Variants in GPR176 observed in about 807,000 individuals in gnomAD.
GPR176 encodes the protein G protein-coupled receptor 176, also known as G-protein coupled receptor 176.
A neutral mutation model predicts 35.4 loss-of-function variants in GPR176; 26 were observed. That is an observed-to-expected ratio of 0.74 (90% CI 0.54 to 1.02). The LOEUF (loss-of-function observed/expected upper bound fraction) is 1.02. Among genes scored for constraint, GPR176 ranks in the 50% least tolerant of loss-of-function variants. The probability of loss-of-function intolerance (pLI) is 0.00; values close to 1 mark genes in which losing one functional copy is unlikely to be tolerated. For missense variants in GPR176, 597 were observed against 665.3 expected, an observed-to-expected ratio of 0.90 and a Z score of 1.13; for synonymous variants, 278 against 271.3, an observed-to-expected ratio of 1.02 and a Z score of -0.24.
chr15:39,834,334 C>G (rs969352832), intron 1 of GPR176, among the ~76,000 whole-genome samples: 6 of 152,108 alleles, frequency 3.9e-5, no homozygotes, highest in Admixed American at 3.9e-4. Flanking sequence ...AGAAGCCAAT[C>G]AATTATTTTC....
chr15:39,809,106 T>C (rs1433363270), intron 1 of GPR176, among the ~76,000 whole-genome samples: 1 of 152,218 alleles, frequency 6.6e-6, no homozygotes, highest in Non-Finnish European at 1.5e-5. Flanking sequence ...GTTGTTTTCA[T>C]GCTGTTATTT....
intron 1 of GPR176, among the ~76,000 whole-genome samples, chr15:39,916,428 T>C (rs2140882470): frequency 6.6e-6 from 1 of 152,336 alleles, no homozygotes; most frequent in East Asian, 1.9e-4. Flanking sequence ...AAGCCTTGTG[T>C]TCATTTTCAA....
chr15:39,821,613 T>C (rs1358796446), intron 1 of GPR176, among the ~76,000 whole-genome samples: 1 of 152,172 alleles, frequency 6.6e-6, no homozygotes, highest in Non-Finnish European at 1.5e-5. Flanking sequence ...ACTCTTTAAA[T>C]TATTTTTCCA....
At chr15:39,813,693 G>A (rs890004197) in intron 1 of GPR176, 1 of 152,030 alleles carries the variant, frequency 6.6e-6, no homozygotes, top group Non-Finnish European at 1.5e-5. Context: ...TTAGGACTAC[G>A]GTTTGATGTC....
intron 1 of GPR176, among the ~76,000 whole-genome samples, chr15:39,879,425 CA>C (rs2032384168): frequency 6.6e-6 from 1 of 152,186 alleles, no homozygotes; most frequent in South Asian, 2.1e-4. Context: ...AAACCTAAAG[CA>C]ACTTCATCCC....
At chr15:39,914,376 C>T (rs1035926289) in intron 1 of GPR176, among the ~76,000 whole-genome samples, 16 of 145,210 alleles carry the variant, frequency 1.1e-4, no homozygotes, top group African/African-American at 1.8e-4. Flanking sequence ...TACAGTGGCA[C>T]GATCTCTGCT....
chr15:39,858,392 G>A (rs1283316938), intron 1 of GPR176, among the ~76,000 whole-genome samples: 1 of 152,048 alleles, frequency 6.6e-6, no homozygotes, highest in Admixed American at 6.6e-5. Flanking sequence ...TTGCAACTCA[G>A]AATGCACTGA....
chr15:39,842,694 C>T (rs1371320301), intron 1 of GPR176, among the ~76,000 whole-genome samples: 1 of 152,108 alleles, frequency 6.6e-6, no homozygotes, highest in Non-Finnish European at 1.5e-5. Flanking sequence ...ACTGAATCTG[C>T]CTCTAAGATC....
At chr15:39,853,869 A>C (rs1439653999) in intron 1 of GPR176, among the ~76,000 whole-genome samples, 1 of 152,198 alleles carries the variant, frequency 6.6e-6, no homozygotes, top group Non-Finnish European at 1.5e-5. Context: ...CTGTTCAATA[A>C]GGGTATATAA....
chr15:39,819,314 T>G lies in GPR176; in HGVS notation c.173-12056A>C, dbSNP rs181000060. 2.0e-5 allele frequency among the ~76,000 whole-genome samples: 3 copies of G among 152,282 alleles called. No individual in the cohort carries two copies. The East Asian group carries it at 5.8e-4, about 29-fold the overall frequency. ...GTCCATATCTTCTGCACCATTCACA[T>G]TGCACTTAGGCTTCATGGGTTATTT... On this transcript the variant is annotated intron_variant, in intron 1 of 2. Transcript: ENST00000561100.
intron 1 of GPR176, among the ~76,000 whole-genome samples, chr15:39,862,692 C>A (rs747654928): frequency 5.3e-4 from 80 of 152,182 alleles, no homozygotes; most frequent in South Asian, 2.1e-3. Context: ...TGTGGTGATG[C>A]TGGTGTGAAC....
At chr15:39,802,286 A>G in intron 2 of GPR176, 32 bp from the exon 3 acceptor site, 1 of 1,503,112 alleles carries the variant, frequency 6.7e-7, no homozygotes, top group Non-Finnish European at 9.0e-7. Context: ...TTAATTCCAC[A>G]GAAGATACTT....
rs373118560 is a variant in GPR176 at position 39,801,185 on chromosome 15, G to A, written c.1495C>T (p.Arg499Trp). Residue 499 changes from arginine to tryptophan, a missense_variant, in exon 3 of 3, where the codon CGG (arginine) becomes TGG (tryptophan). Coordinates refer to ENST00000561100, the MANE Select transcript of GPR176 (RefSeq NM_007223.3). ...TKVPKVGRVE[R>W]KMSRNNKVSI... Reference sequence around the variant, plus strand: ...ACTTTATTGTTTCTGCTCATCTTCCGCTCCACCCTGCCTACCTTGGGCACC... The same window carrying A: ...ACTTTATTGTTTCTGCTCATCTTCCACTCCACCCTGCCTACCTTGGGCACC... 6.5e-5 allele frequency: 105 copies of A among 1,613,280 alleles called. No individual in the cohort carries two copies. The highest frequency in any genetic ancestry group is 4.7e-4 in the East Asian group (21 of 44,888).
chr15:39,892,493 CCCCTCCT>C (rs1453665619), intron 1 of GPR176, among the ~76,000 whole-genome samples: 1 of 152,206 alleles, frequency 6.6e-6, no homozygotes, highest in Non-Finnish European at 1.5e-5. Context: ...CATGTAATAA[CCCCTCCT>C]CTACCTCACC....
intron 1 of GPR176, among the ~76,000 whole-genome samples, chr15:39,846,389 G>A (rs1422111044): frequency 1.3e-5 from 2 of 152,166 alleles, no homozygotes; most frequent in Non-Finnish European, 2.9e-5. Context: ...ATCAGTAGAG[G>A]CCTAGCAGAG....
intron 1 of GPR176, among the ~76,000 whole-genome samples, chr15:39,858,290 A>G (rs1371274296): frequency 2.6e-5 from 4 of 152,244 alleles, no homozygotes; most frequent in Non-Finnish European, 5.9e-5. Context: ...ATAATATGGG[A>G]ATCCCAAATC....
chr15:39,876,987 C>G (rs931500679), intron 1 of GPR176, among the ~76,000 whole-genome samples: 1 of 152,188 alleles, frequency 6.6e-6, no homozygotes, highest in Non-Finnish European at 1.5e-5. Context: ...ACTTCTTCAA[C>G]TCACAAATAG....
chr15:39,831,983 C>T lies in GPR176; in HGVS notation c.173-24725G>A, dbSNP rs374824179. 2.7e-4 allele frequency among the ~76,000 whole-genome samples: 38 copies of T among 141,984 alleles called. No individual in the cohort carries two copies. In the South Asian group the frequency reaches 8.0e-3, roughly 30 times the overall value. The allele number at this position is 141,984 out of a possible 152,430, so 93.1% of individuals were successfully genotyped here. A position where few individuals can be genotyped will look rare whatever the true frequency, so the allele number is the denominator to read the frequency against. On this transcript the variant is annotated intron_variant, in intron 1 of 2. Transcript: ENST00000561100. ...TGGTCCTGCTCCCTCTAATATCACACACATGTGCATGCACACACACACACA... is the reference window on the plus strand; with the variant it reads ...TGGTCCTGCTCCCTCTAATATCACATACATGTGCATGCACACACACACACA...
rs1392040640 is a variant in GPR176 at position 39,873,495 on chromosome 15, C to T, written c.172+46360G>A. Among the ~76,000 whole-genome samples, 8 of 152,238 alleles carry T rather than the reference C, an allele frequency of 5.3e-5. No homozygotes were observed. In the South Asian group the frequency reaches 6.2e-4, roughly 12 times the overall value. On this transcript the variant is annotated intron_variant, in intron 1 of 2. Coordinates refer to ENST00000561100, the MANE Select transcript of GPR176 (RefSeq NM_007223.3). ...CACAGGCCAAGATGACAGCATAGAA[C>T]CGAAAACTACAACACTGGCTGCAGC...
Sources: allele counts gnomAD v4.1 joint callset (sites outside exome capture counted in the v4.1 genomes callset), GRCh38; gene constraint gnomAD v4.1.1; transcripts MANE v1.5; gene names NCBI Gene and HGNC (gene_info 2026-07-23, HGNC 2026-07-21).